The following LRBA variants were observed in gnomAD, a reference collection of about 807,000 sequenced individuals.
LRBA encodes the protein lipopolysaccharide-responsive and beige-like anchor protein.
LRBA carries 176 observed loss-of-function variants against 330.0 expected under a neutral mutation model. The observed-to-expected ratio is 0.53, with a 90% CI of 0.47 to 0.60. The LOEUF (loss-of-function observed/expected upper bound fraction) is 0.60, where lower values mean the gene tolerates loss of function less well. Among genes scored for constraint, LRBA ranks in the 20% least tolerant of loss-of-function variants. The probability of loss-of-function intolerance (pLI) is 0.00; values close to 1 mark genes in which losing one functional copy is unlikely to be tolerated. For missense variants in LRBA, 3,259 were observed against 3,444.8 expected (o/e 0.95, Z 1.35); for synonymous variants, 1,230 against 1,193.0 (o/e 1.03, Z -0.64).
intron 13 of LRBA, among the ~76,000 whole-genome samples, chr4:150,904,329 T>G (rs1186113282): frequency 6.6e-6 from 1 of 152,214 alleles, no homozygotes; most frequent in East Asian, 1.9e-4. Flanking sequence ...ATCTGCCCTT[T>G]TTTATGACTG....
At chr4:150,705,197 G>A (rs918674937) in intron 36 of LRBA, among the ~76,000 whole-genome samples, 1 of 152,142 alleles carries the variant, frequency 6.6e-6, no homozygotes, top group Admixed American at 6.5e-5. Flanking sequence ...AGAATGAAGT[G>A]TATATTTCCC....
chr4:150,743,408 C>A (rs1732275147), intron 35 of LRBA, among the ~76,000 whole-genome samples: 1 of 152,118 alleles, frequency 6.6e-6, no homozygotes, highest in East Asian at 1.9e-4. Flanking sequence ...AATATACAAT[C>A]ATATAAGTAG....
intron 2 of LRBA, among the ~76,000 whole-genome samples, chr4:150,949,899 G>A (rs1335597301): frequency 6.6e-6 from 1 of 151,850 alleles, no homozygotes; most frequent in East Asian, 1.9e-4. Context: ...AAAAATGTTT[G>A]CCATATACTA....
At chr4:150,717,701 A>AATAATAATAATAATAATC (rs890794296) in intron 36 of LRBA, among the ~76,000 whole-genome samples, 190 of 148,050 alleles carry the variant, frequency 1.3e-3, no homozygotes, top group African/African-American at 3.2e-3. Flanking sequence ...TAATAATAAT[A>AATAATAATAATAATAATC]ATCAGTGCTT....
At chr4:150,366,745 T>C (rs1232552943) in intron 47 of LRBA, among the ~76,000 whole-genome samples, 2 of 152,138 alleles carry the variant, frequency 1.3e-5, no homozygotes, top group Admixed American at 1.3e-4. Flanking sequence ...TTAGAATAAA[T>C]GACTGGAGTA....
intron 41 of LRBA, among the ~76,000 whole-genome samples, chr4:150,489,612 A>T (rs1372214723): frequency 2.6e-3 from 89 of 34,848 alleles, no homozygotes; most frequent in Admixed American, 6.0e-3. Context: ...TATAATATAT[A>T]ATATATAAGA....
intron 51 of LRBA, among the ~76,000 whole-genome samples, chr4:150,311,667 T>C (rs1731087278): frequency 6.6e-6 from 1 of 152,138 alleles, no homozygotes. Context: ...TTTAAGATTA[T>C]TGGATAACTG....
At chr4:150,419,449 A>C (rs1049181215) in intron 46 of LRBA, among the ~76,000 whole-genome samples, 1 of 152,098 alleles carries the variant, frequency 6.6e-6, no homozygotes, top group Non-Finnish European at 1.5e-5. Context: ...CTCTCATTCA[A>C]GCCTTGAGAA....
At chr4:150,975,093 C>CA (rs1198955276) in intron 2 of LRBA, among the ~76,000 whole-genome samples, 3 of 151,824 alleles carry the variant, frequency 2.0e-5, no homozygotes, top group Non-Finnish European at 2.9e-5. Context: ...ACTTGGCATA[C>CA]AAAAAATCAA....
At chr4:150,360,486 C>A (rs1449118737) in intron 47 of LRBA, among the ~76,000 whole-genome samples, 1 of 152,120 alleles carries the variant, frequency 6.6e-6, no homozygotes, top group African/African-American at 2.4e-5. Flanking sequence ...ATCACACTAG[C>A]CACATTTCAA....
At chr4:150,800,847 G>A (rs775897672) in intron 33 of LRBA, among the ~76,000 whole-genome samples, 2 of 152,114 alleles carry the variant, frequency 1.3e-5, no homozygotes, top group Non-Finnish European at 2.9e-5. Flanking sequence ...TTTTCAAAAG[G>A]ACAAACTCAG....
At chr4:150,903,785 A>T (rs935328414) in intron 13 of LRBA, among the ~76,000 whole-genome samples, 1 of 152,154 alleles carries the variant, frequency 6.6e-6, no homozygotes, top group African/African-American at 2.4e-5. Flanking sequence ...AGACCTCAAG[A>T]TTACTCATAT....
intron 36 of LRBA, among the ~76,000 whole-genome samples, chr4:150,691,395 G>A (rs1784127147): frequency 6.6e-6 from 1 of 152,076 alleles, no homozygotes; most frequent in Admixed American, 6.5e-5. Context: ...AATTAGCACA[G>A]GATTTGAACA....
At position 150,415,445 on chromosome 4, in the gene LRBA, T is replaced by C. The variant is rs149731019; in HGVS notation, c.7187A>G (p.Asn2396Ser). 31 of 1,613,142 alleles carry C rather than the reference T, an allele frequency of 1.9e-5. No individual in the cohort carries two copies. The African/African-American group carries it at 3.7e-4, about 19-fold the overall frequency. ...AGATGATTATTATCTTACCAATCTGTTTATGTGAACAAATTCTTCTGAGGT... is the reference window on the plus strand; with the variant it reads ...AGATGATTATTATCTTACCAATCTGCTTATGTGAACAAATTCTTCTGAGGT... ...AKTSEEFVHI[N>S]RLALESEFVS... Residue 2396 changes from asparagine (N) to serine (S), a missense_variant, in exon 47 of 57, where the codon AAC becomes AGC. By Grantham distance (46) the Asn-to-Ser change is conservative (BLOSUM62 1). Coordinates refer to ENST00000651943, the MANE Select transcript of LRBA (RefSeq NM_001364905.1).
intron 42 of LRBA, among the ~76,000 whole-genome samples, chr4:150,474,950 T>A (rs182238669): frequency 2.6e-5 from 4 of 152,180 alleles, no homozygotes; most frequent in Non-Finnish European, 5.9e-5. Context: ...TTTGTCACTT[T>A]GTGGAAATTT....
intron 42 of LRBA, among the ~76,000 whole-genome samples, chr4:150,478,045 G>A (rs528008676): frequency 1.5e-4 from 23 of 152,216 alleles, no homozygotes; most frequent in African/African-American, 5.5e-4. Context: ...TTTTGGGAGG[G>A]CAGGGATGTC....
At chr4:150,957,774 T>C (rs1448846585) in intron 2 of LRBA, among the ~76,000 whole-genome samples, 1 of 148,724 alleles carries the variant, frequency 6.7e-6, no homozygotes, top group Non-Finnish European at 1.5e-5. Flanking sequence ...ATAGGAGAAA[T>C]TGGCCAAAAC....
At chr4:150,915,548 T>A (rs1266189565) in intron 8 of LRBA, 60 bp downstream of exon 8, 1 of 1,478,588 alleles carries the variant, frequency 6.8e-7, no homozygotes, top group African/African-American at 1.4e-5. Flanking sequence ...CTTTTTCTTG[T>A]TTAAAAAGCT....
intron 2 of LRBA, among the ~76,000 whole-genome samples, chr4:150,992,275 C>T (rs952547563): frequency 6.7e-6 from 1 of 150,078 alleles, no homozygotes; most frequent in African/African-American, 2.4e-5. Flanking sequence ...GAGACTACAC[C>T]ACTGCACTCC....
Sources: gnomAD v4.1 joint callset for allele counts (sites outside exome capture counted in the v4.1 genomes callset) on GRCh38, gnomAD v4.1.1 for gene constraint, MANE v1.5 for transcripts, NCBI Gene and HGNC (gene_info 2026-07-23, HGNC 2026-07-21) for gene names.